RORA: variants seen among roughly 807,000 people sequenced by gnomAD.
RORA encodes the protein nuclear receptor ROR-alpha.
Under a neutral mutation model 69.5 loss-of-function variants are expected in RORA, and 7 were observed. The ratio of observed to expected loss-of-function variants is 0.10; its 90% CI spans 0.06 to 0.19. RORA has a LOEUF of 0.19. Ranked by LOEUF, RORA falls within the 10% of genes least tolerant of loss-of-function variation. RORA has a pLI of 1.00. For synonymous variants in RORA, 261 were observed against 240.8 expected (o/e 1.08, Z -0.78); for missense variants, 457 against 663.0 (o/e 0.69, Z 3.41).
intron 1 of RORA, among the ~76,000 whole-genome samples, chr15:61,062,010 C>G (rs1409333414): frequency 6.6e-6 from 1 of 152,140 alleles, no homozygotes; most frequent in Non-Finnish European, 1.5e-5. Flanking sequence ...TTGCAGTGAG[C>G]TGGGATTGTG....
chr15:60,573,798 CTG>C (rs777427763), intron 2 of RORA, among the ~76,000 whole-genome samples: 13 of 152,246 alleles, frequency 8.5e-5, no homozygotes, highest in Admixed American at 2.0e-4. Context: ...TGCTCCTCCT[CTG>C]TGCTCCTATC....
At chr15:60,718,872 G>T (rs1019243312) in intron 1 of RORA, among the ~76,000 whole-genome samples, 2 of 152,194 alleles carry the variant, frequency 1.3e-5, no homozygotes, top group African/African-American at 2.4e-5. Context: ...TCTAAAAGGT[G>T]AAGGATTTCC....
At chr15:61,201,222 C>T (rs2079892791) in intron 1 of RORA, among the ~76,000 whole-genome samples, 1 of 152,214 alleles carries the variant, frequency 6.6e-6, no homozygotes, top group Non-Finnish European at 1.5e-5. Flanking sequence ...TTATCAAATG[C>T]TGTGAATGTC....
chr15:60,737,640 A>G (rs867378707), intron 1 of RORA, among the ~76,000 whole-genome samples: 2 of 152,240 alleles, frequency 1.3e-5, no homozygotes, highest in African/African-American at 2.4e-5. Flanking sequence ...CGTCATGTGT[A>G]TATATCAGTT....
chr15:60,689,888 A>G (rs1326635734), intron 1 of RORA, among the ~76,000 whole-genome samples: 2 of 152,176 alleles, frequency 1.3e-5, no homozygotes, highest in Non-Finnish European at 2.9e-5. Context: ...CTTCAGAGGG[A>G]GCAAGGCTCT....
intron 1 of RORA, among the ~76,000 whole-genome samples, chr15:61,127,309 G>A (rs1234620264): frequency 6.6e-6 from 1 of 152,074 alleles, no homozygotes. Context: ...TGACATGCAA[G>A]GAATATTAAA....
intron 1 of RORA, among the ~76,000 whole-genome samples, chr15:60,782,287 G>C (rs992209578): frequency 6.6e-6 from 1 of 152,090 alleles, no homozygotes; most frequent in African/African-American, 2.4e-5. Flanking sequence ...CAATGATTAA[G>C]AGCACGTGAA....
At chr15:60,904,644 T>C (rs1359307686) in intron 1 of RORA, among the ~76,000 whole-genome samples, 1 of 152,204 alleles carries the variant, frequency 6.6e-6, no homozygotes, top group African/African-American at 2.4e-5. Flanking sequence ...ACATGTGAAC[T>C]GAAACAACTC....
Position 60,537,149 on chromosome 15 carries a change from A to G in RORA, c.197-5298T>C, listed in dbSNP as rs1338929703. 6.6e-6 allele frequency among the ~76,000 whole-genome samples: 1 copy of G among 152,170 alleles called. No individual in the cohort carries two copies. Among genetic ancestry groups the G allele is most frequent in the East Asian group, 1.9e-4 (1 of 5,190 alleles). The stretch of plus-strand genomic sequence containing the variant: ...TGAATGGCGGCCTGGCTTGCGTGTC[A>G]AGGTTAGCCGGGGGAGAGCTGCAGA... On this transcript the variant is annotated intron_variant, in intron 2 of 10. Transcript: ENST00000335670. The surrounding 1 kb of genome is among the most constrained non-coding windows in gnomAD (Gnocchi z 4.9).
chr15:60,511,249 G>C lies in RORA; in HGVS notation c.797C>G (p.Pro266Arg). ...YCSFTNGETS[P>R]TVSMAELEHL... Reference sequence around the variant, plus strand: ...ACCTAATTCTGCCATGGACACAGTTGGGGAAGTCTCGCCGTTGGTGAACGA... The same window carrying C: ...ACCTAATTCTGCCATGGACACAGTTCGGGAAGTCTCGCCGTTGGTGAACGA... Residue 266 changes from proline to arginine, a missense_variant, in exon 5 of 11, where the codon CCA becomes CGA. Pro to Arg is a moderately radical substitution (Grantham distance 103, BLOSUM62 -2). This residue lies in a region of RORA where 304 missense variants were observed against 447.4 expected (regional missense o/e 0.68). Transcript: ENST00000335670. This position sits in a 1 kb window ranked among gnomAD's most constrained non-coding sequence, Gnocchi z 6.4. 1 of 1,613,634 alleles carries C rather than the reference G, an allele frequency of 6.2e-7. No individual in the cohort carries two copies. Among genetic ancestry groups the C allele is most frequent in the Non-Finnish European group, 8.5e-7 (1 of 1,179,714 alleles).
At chr15:60,637,120 G>A (rs2069855367) in intron 2 of RORA, among the ~76,000 whole-genome samples, 1 of 150,436 alleles carries the variant, frequency 6.6e-6, no homozygotes, top group Non-Finnish European at 1.5e-5. Context: ...AAATCAAAGA[G>A]TATCATCATT....
intron 2 of RORA, chr15:60,627,342 T>A (rs1201160108): frequency 1.9e-6 from 3 of 1,614,206 alleles, no homozygotes; most frequent in East Asian, 4.5e-5. Flanking sequence ...CCTCAGTCTC[T>A]AAGTCACTGT....
chr15:60,578,299 T>C lies in RORA; in HGVS notation c.197-46448A>G, dbSNP rs542868274. The stretch of plus-strand genomic sequence containing the variant: ...CACATTTCATTATTAGATGTGGTTA[T>C]ATCAAGGAATTATGTTGATTAATAT... On this transcript the variant is annotated intron_variant, in intron 2 of 10. Coordinates refer to ENST00000335670, the MANE Select transcript of RORA (RefSeq NM_134261.3). Among the ~76,000 whole-genome samples the C allele has an allele frequency of 1.5e-3, 233 of 152,354 alleles. 1 individual carries two copies. Among genetic ancestry groups the C allele is most frequent in the South Asian group, 0.011 (51 of 4,830 alleles).
chr15:61,227,357 A>C (rs2080156158), intron 1 of RORA, among the ~76,000 whole-genome samples: 1 of 151,958 alleles, frequency 6.6e-6, no homozygotes, highest in African/African-American at 2.4e-5. Context: ...CCCGCACACA[A>C]ACTCACCGAG....
intron 1 of RORA, among the ~76,000 whole-genome samples, chr15:60,769,785 C>G (rs978567861): frequency 1.3e-5 from 2 of 152,132 alleles, no homozygotes; most frequent in Admixed American, 1.3e-4. Flanking sequence ...CCTTTCTTTT[C>G]CTCTAATAAT....
At chr15:60,587,080 C>G (rs1376926399) in intron 2 of RORA, among the ~76,000 whole-genome samples, 1 of 152,184 alleles carries the variant, frequency 6.6e-6, no homozygotes, top group Non-Finnish European at 1.5e-5. Flanking sequence ...TTCCCTTTGC[C>G]TAAGGATAAG....
At chr15:60,694,412 C>T (rs1381951181) in intron 1 of RORA, among the ~76,000 whole-genome samples, 1 of 152,198 alleles carries the variant, frequency 6.6e-6, no homozygotes, top group Non-Finnish European at 1.5e-5. Flanking sequence ...CCTGTGGTCT[C>T]CATGCCTTGC....
intron 1 of RORA, among the ~76,000 whole-genome samples, chr15:60,721,471 C>T (rs1363392554): frequency 6.6e-6 from 1 of 152,196 alleles, no homozygotes; most frequent in Non-Finnish European, 1.5e-5. Context: ...TTTTCTCATG[C>T]ACATTATTTA....
chr15:60,761,909 C>A (rs1161825122), intron 1 of RORA, among the ~76,000 whole-genome samples: 8 of 151,820 alleles, frequency 5.3e-5, no homozygotes, highest in Admixed American at 4.6e-4. Context: ...GTTTCTCCCT[C>A]TTTGCAAACT....
Sources: gnomAD v4.1 joint callset for allele counts (sites outside exome capture counted in the v4.1 genomes callset) on GRCh38, gnomAD v4.1.1 for gene constraint, gnomAD v4.1.1 regional missense constraint, Gnocchi (gnomAD v3.1) non-coding constraint, MANE v1.5 for transcripts, NCBI Gene and HGNC (gene_info 2026-07-23, HGNC 2026-07-21) for gene names.